Variants in LZTS1 observed in about 807,000 individuals in gnomAD.
LZTS1 encodes the protein leucine zipper putative tumor suppressor 1.
A neutral mutation model predicts 45.8 loss-of-function variants in LZTS1; 31 were observed. The observed-to-expected ratio is 0.68, with a 90% confidence interval of 0.51 to 0.91. The LOEUF is 0.91. LZTS1 is among the 40% of genes least tolerant of loss of function. LZTS1 has a pLI of 0.00. For missense variants in LZTS1, 821 were observed against 788.9 expected, an observed-to-expected ratio of 1.04 and a Z score of -0.49; for synonymous variants, 359 against 357.3, an observed-to-expected ratio of 1.00 and a Z score of -0.05.
At chr8:20,272,894 C>A (rs1254498381) in intron 1 of LZTS1, among the ~76,000 whole-genome samples, 1 of 152,174 alleles carries the variant, frequency 6.6e-6, no homozygotes, top group Non-Finnish European at 1.5e-5. Flanking sequence ...ACAAGTCTCC[C>A]AATTCAAAAA....
In LZTS1 at chr8:20,254,944, G is replaced by A. The variant is rs1800056016; in HGVS notation, c.238C>T (p.Pro80Ser). The A allele has an allele frequency of 6.2e-7, 1 of 1,614,188 alleles. No homozygotes were observed. Among genetic ancestry groups the A allele is most frequent in the East Asian group, 2.2e-5 (1 of 44,876 alleles). ...VSQKARGSHH[P>S]DYTALSSGDL... ...CCGCTGGACAGTGCCGTGTAATCTG[G>A]GTGATGGGAGCCCCGGGCTTTCTGG... Residue 80 changes from proline (P) to serine (S), a missense_variant, in exon 2 of 4, where the codon CCA (proline) becomes TCA (serine). Pro to Ser is a moderately conservative substitution (Grantham distance 74, BLOSUM62 -1). Coordinates refer to ENST00000381569, the MANE Select transcript of LZTS1 (RefSeq NM_021020.5).
At chr8:20,296,147 C>T (rs1370417643) in intron 1 of LZTS1, among the ~76,000 whole-genome samples, 1 of 152,200 alleles carries the variant, frequency 6.6e-6, no homozygotes, top group African/African-American at 2.4e-5. Flanking sequence ...CAGCAAATGG[C>T]TCTGCAGCAG....
At chr8:20,261,831 G>A (rs187604712) in intron 1 of LZTS1, among the ~76,000 whole-genome samples, 165 of 152,268 alleles carry the variant, frequency 1.1e-3, no homozygotes, top group African/African-American at 3.7e-3. Flanking sequence ...CTCCTCTGCC[G>A]CCATGCAGTG....
Position 20,303,769 on chromosome 8 carries a change from A to G in LZTS1, c.-164T>C. ...CCCCTGCGCCTCGGGCGCACTTGAG[A>G]CTTTTTTTTTTTCCCAGTGTTTCCC... On this transcript the variant is annotated 5_prime_UTR_variant, in exon 1 of 4. Coordinates refer to ENST00000381569, the MANE Select transcript of LZTS1 (RefSeq NM_021020.5). 1.0e-6 allele frequency: 1 copy of G among 978,164 alleles called. No homozygotes were observed. The highest frequency in any genetic ancestry group is 1.2e-6 in the Non-Finnish European group (1 of 828,814). The allele number at this position is 978,164 out of a possible 1,614,324, so 60.6% of individuals were successfully genotyped here.
In LZTS1 at chr8:20,253,298, G is replaced by C; in HGVS notation, c.633C>G (p.His211Gln). 6.2e-7 allele frequency: 1 copy of C among 1,614,098 alleles called. No individual in the cohort carries two copies. The highest frequency in any genetic ancestry group is 8.5e-7 in the Non-Finnish European group (1 of 1,180,044). The change falls in exon 3 of 4, where the codon CAC becomes CAG. Residue 211 changes from histidine to glutamine, a missense_variant. Coordinates refer to ENST00000381569, the MANE Select transcript of LZTS1 (RefSeq NM_021020.5). ...GPTSRFGGSA[H>Q]NITQGIVLQD... ...GGAGGACGATGCCCTGGGTGATGTT[G>C]TGGGCGGAGCCCCCAAAACGGCTTG...
chr8:20,277,991 G>A (rs1385232866), intron 1 of LZTS1, among the ~76,000 whole-genome samples: 1 of 152,176 alleles, frequency 6.6e-6, no homozygotes, highest in Non-Finnish European at 1.5e-5. Context: ...ACAGCGCCTG[G>A]CACATAGTTG....
intron 1 of LZTS1, among the ~76,000 whole-genome samples, chr8:20,297,973 C>T (rs1158330942): frequency 6.6e-6 from 1 of 152,120 alleles, no homozygotes; most frequent in African/African-American, 2.4e-5. Context: ...TAGTTACAGC[C>T]CAACATTGGG....
At chr8:20,289,005 T>TTTC in intron 1 of LZTS1, among the ~76,000 whole-genome samples, 1 of 151,274 alleles carries the variant, frequency 6.6e-6, no homozygotes, top group Admixed American at 6.6e-5. Flanking sequence ...TTTTTTTTTT[T>TTTC]TTAGACATAT....
chr8:20,258,065 G>A (rs1410497334), intron 1 of LZTS1, among the ~76,000 whole-genome samples: 1 of 152,188 alleles, frequency 6.6e-6, no homozygotes, highest in Non-Finnish European at 1.5e-5. Context: ...AAATTGGGAT[G>A]TCAGTGCCAG....
At chr8:20,283,383 A>G (rs1800731589) in intron 1 of LZTS1, among the ~76,000 whole-genome samples, 2 of 152,178 alleles carry the variant, frequency 1.3e-5, no homozygotes, top group Admixed American at 1.3e-4. Flanking sequence ...GGCACCTGCT[A>G]TGAACCAGAA....
chr8:20,288,611 A>G (rs1212169830), intron 1 of LZTS1, among the ~76,000 whole-genome samples: 1 of 152,202 alleles, frequency 6.6e-6, no homozygotes, highest in Non-Finnish European at 1.5e-5. Flanking sequence ...CAGTGGCAGT[A>G]CCTGGCTTCA....
intron 1 of LZTS1, among the ~76,000 whole-genome samples, chr8:20,269,170 C>T (rs563613652): frequency 1.1e-4 from 17 of 152,312 alleles, no homozygotes; most frequent in Admixed American, 7.2e-4. Context: ...GCTGGTCCCA[C>T]GTGAGAGAGC....
At chr8:20,260,521 G>A (rs1179996234) in intron 1 of LZTS1, among the ~76,000 whole-genome samples, 1 of 152,132 alleles carries the variant, frequency 6.6e-6, no homozygotes, top group Non-Finnish European at 1.5e-5. Flanking sequence ...CTGCAATTGG[G>A]GACTGTAGGT....
At position 20,253,081 on chromosome 8, in the gene LZTS1, A is replaced by C. The variant is rs751948413; in HGVS notation, c.850T>G (p.Phe284Val). 2 of 1,609,720 alleles carry C rather than the reference A, an allele frequency of 1.2e-6. No individual in the cohort carries two copies. Among genetic ancestry groups the C allele is most frequent in the East Asian group, 2.2e-5 (1 of 44,840 alleles). ...CTGGAGGCAAGCTCCTTCTCCTCAA[A>C]GCTGCGCTGCAGCTTCTGGAGGGCG... ...EGALQKLQRS[F>V]EEKELASSLA... Residue 284 changes from phenylalanine to valine, a missense_variant, in exon 3 of 4, where the codon TTT becomes GTT. Phe to Val is a conservative substitution (Grantham distance 50, BLOSUM62 -1). Transcript: ENST00000381569.
intron 1 of LZTS1, among the ~76,000 whole-genome samples, chr8:20,281,058 G>A (rs1044184309): frequency 6.6e-6 from 1 of 152,188 alleles, no homozygotes; most frequent in Non-Finnish European, 1.5e-5. Flanking sequence ...CAGCAAAGAC[G>A]GTGTCTACTC....
intron 1 of LZTS1, among the ~76,000 whole-genome samples, chr8:20,268,651 A>G (rs1800412155): frequency 6.6e-6 from 1 of 152,064 alleles, no homozygotes; most frequent in African/African-American, 2.4e-5. Context: ...AAAGCTCGAT[A>G]CAGATTTTCT....
At chr8:20,297,685 G>A (rs1264927986) in intron 1 of LZTS1, among the ~76,000 whole-genome samples, 1 of 152,078 alleles carries the variant, frequency 6.6e-6, no homozygotes, top group Admixed American at 6.5e-5. Flanking sequence ...TAAATTGCTG[G>A]GATTACAGGC....
intron 1 of LZTS1, among the ~76,000 whole-genome samples, chr8:20,301,441 G>A (rs1301193337): frequency 6.6e-6 from 1 of 152,094 alleles, no homozygotes; most frequent in Non-Finnish European, 1.5e-5. Flanking sequence ...AAGTGTTACG[G>A]TATTATCCAT....
chr8:20,249,594 G>A lies in LZTS1; in HGVS notation c.*128C>T. 1 of 1,184,972 alleles carries A rather than the reference G, an allele frequency of 8.4e-7. No homozygotes were observed. The highest frequency in any genetic ancestry group is 1.2e-6 in the Non-Finnish European group (1 of 860,174). The allele number at this position is 1,184,972 out of a possible 1,614,324, so 73.4% of individuals were successfully genotyped here. A position where few individuals can be genotyped will look rare whatever the true frequency, so the allele number is the denominator to read the frequency against. ...AAAGGCCATCCTGCCCTCCCCTCGG[G>A]GGTCCTGGGTCTGTGTCCCAGGGAG... On this transcript the variant is annotated 3_prime_UTR_variant, in exon 4 of 4. Transcript: ENST00000381569.
Sources: gnomAD v4.1 joint callset for allele counts (sites outside exome capture counted in the v4.1 genomes callset) on GRCh38, gnomAD v4.1.1 for gene constraint, MANE v1.5 for transcripts, NCBI Gene and HGNC (gene_info 2026-07-23, HGNC 2026-07-21) for gene names.